IL1RAPL2: variants seen among roughly 807,000 people sequenced by gnomAD.
IL1RAPL2 encodes X-linked interleukin-1 receptor accessory protein-like 2.
IL1RAPL2 carries 3 observed loss-of-function variants against 44.1 expected under a neutral mutation model. That is an observed-to-expected ratio of 0.07 (90% confidence interval 0.03 to 0.18). The LOEUF (loss-of-function observed/expected upper bound fraction) is 0.18, where lower values mean the gene tolerates loss of function less well. Among genes scored for constraint, IL1RAPL2 ranks in the 10% least tolerant of loss-of-function variants. The pLI, the probability that IL1RAPL2 is intolerant of heterozygous loss-of-function variation, is 1.00. For missense variants in IL1RAPL2, 391 were observed against 496.4 expected (o/e 0.79, Z 2.02); for synonymous variants, 181 against 178.8 (o/e 1.01, Z -0.10).
At chrX:105,131,249 T>A (rs1236092957) in intron 2 of IL1RAPL2, among the ~76,000 whole-genome samples, 3 of 110,656 alleles carry the variant, frequency 2.7e-5, no homozygotes, top group Non-Finnish European at 5.7e-5. Flanking sequence ...ATTACAGCTG[T>A]TTTTCCTAAG....
chrX:105,004,336 G>C (rs2030904417), intron 2 of IL1RAPL2, among the ~76,000 whole-genome samples: 1 of 110,662 alleles, frequency 9.0e-6, no homozygotes, highest in South Asian at 3.8e-4. Flanking sequence ...GTTGTGTTTT[G>C]AAATCTTATT....
intron 2 of IL1RAPL2, among the ~76,000 whole-genome samples, chrX:104,847,096 T>C (rs1403247886): frequency 5.7e-4 from 64 of 111,902 alleles, no homozygotes; most frequent in Non-Finnish European, 9.8e-4. Context: ...GATATTAGCC[T>C]TTTGTCAGAT....
chrX:104,824,199 G>A (rs1450456597), intron 2 of IL1RAPL2, among the ~76,000 whole-genome samples: 2 of 112,089 alleles, frequency 1.8e-5, no homozygotes, highest in Non-Finnish European at 3.8e-5. Context: ...TTATTGATTT[G>A]CATATGTTGA....
At chrX:105,679,589 T>TATCA (rs754353691) in intron 6 of IL1RAPL2, among the ~76,000 whole-genome samples, 1 of 112,040 alleles carries the variant, frequency 8.9e-6, no homozygotes, top group African/African-American at 3.2e-5. Flanking sequence ...AGAATTTATA[T>TATCA]ATCAGTTACC....
intron 2 of IL1RAPL2, among the ~76,000 whole-genome samples, chrX:105,143,216 A>G (rs1444457001): frequency 8.9e-6 from 1 of 111,846 alleles, no homozygotes; most frequent in Non-Finnish European, 1.9e-5. Context: ...GCTAATATCC[A>G]GAATCTACAA....
At chrX:104,930,269 A>G (rs770498543) in intron 2 of IL1RAPL2, among the ~76,000 whole-genome samples, 1 of 112,200 alleles carries the variant, frequency 8.9e-6, no homozygotes, top group Non-Finnish European at 1.9e-5. Context: ...TGATAATTTT[A>G]TGGAATTAAT....
intron 6 of IL1RAPL2, among the ~76,000 whole-genome samples, chrX:105,664,697 CA>C (rs1344165706): frequency 1.8e-5 from 2 of 111,752 alleles, no homozygotes; most frequent in Non-Finnish European, 3.8e-5. Context: ...GCCTCTGGAT[CA>C]GAGGGCCATA....
intron 1 of IL1RAPL2, among the ~76,000 whole-genome samples, chrX:104,631,321 A>G (rs780041701): frequency 8.9e-6 from 1 of 111,910 alleles, no homozygotes; most frequent in Non-Finnish European, 1.9e-5. Flanking sequence ...GTCTTTATAG[A>G]AGCATGATTT....
At chrX:104,585,306 T>TATATATTA (rs1262114283) in intron 1 of IL1RAPL2, among the ~76,000 whole-genome samples, 1 of 21,157 alleles carries the variant, frequency 4.7e-5, no homozygotes, top group Non-Finnish European at 6.8e-5. Context: ...ATATTATATA[T>TATATATTA]TATATAATAT....
chrX:104,760,411 G>T (rs988381311), intron 2 of IL1RAPL2, among the ~76,000 whole-genome samples: 1 of 111,731 alleles, frequency 9.0e-6, no homozygotes, highest in East Asian at 2.8e-4. Flanking sequence ...AGTGCAGAAG[G>T]GTTCCCTTTT....
chrX:105,443,870 G>A (rs758134422), intron 5 of IL1RAPL2, among the ~76,000 whole-genome samples: 2 of 111,791 alleles, frequency 1.8e-5, no homozygotes, highest in South Asian at 3.7e-4. Flanking sequence ...CAGTGGGATC[G>A]CTGGATCATA....
At position 104,894,524 on chromosome X, in the gene IL1RAPL2, A is replaced by G. The variant is rs909731190; in HGVS notation, c.82+235529A>G. ...TTCTCTAAACTTCTCTTCTCACTTC[A>G]TTTCATTCATTTGATCTTCCATCAC... On this transcript the variant is annotated intron_variant, in intron 2 of 10. Transcript: ENST00000372582. Among the ~76,000 whole-genome samples the G allele has an allele frequency of 5.4e-5, 6 of 110,675 alleles. No homozygotes were observed. The South Asian group carries it at 1.1e-3, about 21-fold the overall frequency.
intron 5 of IL1RAPL2, among the ~76,000 whole-genome samples, chrX:105,323,065 C>A (rs1430741741): frequency 8.9e-6 from 1 of 111,848 alleles, no homozygotes; most frequent in Non-Finnish European, 1.9e-5. Context: ...CTATTAAGAA[C>A]CACTGATGGA....
chrX:105,680,082 C>A (rs1015103004), intron 6 of IL1RAPL2, among the ~76,000 whole-genome samples: 3 of 111,033 alleles, frequency 2.7e-5, no homozygotes, highest in Non-Finnish European at 5.7e-5. Context: ...CTCACTGCAA[C>A]CTCCGCCTCC....
intron 2 of IL1RAPL2, among the ~76,000 whole-genome samples, chrX:104,731,463 C>T (rs779743354): frequency 1.3e-4 from 14 of 111,356 alleles, no homozygotes; most frequent in South Asian, 1.2e-3. Flanking sequence ...AATGCAGTGG[C>T]GCAGTCTCTA....
intron 2 of IL1RAPL2, among the ~76,000 whole-genome samples, chrX:104,947,194 T>G (rs1263611729): frequency 1.8e-5 from 2 of 112,123 alleles, no homozygotes; most frequent in East Asian, 2.8e-4. Context: ...TCATGTGTTT[T>G]TTGGCTGCAT....
At chrX:105,577,269 T>C (rs773611914) in intron 6 of IL1RAPL2, among the ~76,000 whole-genome samples, 12 of 111,635 alleles carry the variant, frequency 1.1e-4, no homozygotes, top group Non-Finnish European at 2.1e-4. Flanking sequence ...AGTAAAAGCA[T>C]TCCTAAAATT....
chrX:104,592,133 T>A (rs1928678347), intron 1 of IL1RAPL2, among the ~76,000 whole-genome samples: 2 of 93,542 alleles, frequency 2.1e-5, no homozygotes, highest in African/African-American at 7.5e-5. Context: ...TGATTTTTTT[T>A]AATGCCCGTA....
At chrX:105,189,564 A>G (rs1602999217) in intron 2 of IL1RAPL2, among the ~76,000 whole-genome samples, 1 of 112,306 alleles carries the variant, frequency 8.9e-6, no homozygotes, top group East Asian at 2.8e-4. Flanking sequence ...TAATGGTAGG[A>G]TGGGATAATC....
Sources: gnomAD v4.1 joint callset for allele counts (sites outside exome capture counted in the v4.1 genomes callset) on GRCh38, gnomAD v4.1.1 for gene constraint, MANE v1.5 for transcripts, NCBI Gene and HGNC (gene_info 2026-07-23, HGNC 2026-07-21) for gene names.